DPY19L4: variants seen among roughly 807,000 people sequenced by gnomAD.
DPY19L4 encodes probable C-mannosyltransferase DPY19L4.
In DPY19L4, 97 loss-of-function variants were observed where a neutral mutation model predicts 102.8. The observed-to-expected ratio is 0.94, with a 90% CI of 0.80 to 1.12. The LOEUF (loss-of-function observed/expected upper bound fraction) is 1.12. Among genes scored for constraint, DPY19L4 ranks in the 50% most tolerant of loss-of-function variants. DPY19L4 has a pLI of 0.00. For missense variants in DPY19L4, 815 were observed against 850.4 expected (o/e 0.96, Z 0.52); for synonymous variants, 252 against 283.1 (o/e 0.89, Z 1.10).
At chr8:94,769,306 C>CGGGA (rs1812822441) in intron 12 of DPY19L4, among the ~76,000 whole-genome samples, 2 of 152,036 alleles carry the variant, frequency 1.3e-5, no homozygotes, top group South Asian at 4.1e-4. Flanking sequence ...AGGTGATCCA[C>CGGGA]CCGTCTTGGC....
chr8:94,773,213 C>CAA (rs1319486647), intron 13 of DPY19L4, among the ~76,000 whole-genome samples: 34 of 67,592 alleles, frequency 5.0e-4, no homozygotes, highest in African/African-American at 1.0e-3. Context: ...GACTCCGTAT[C>CAA]AAAAAAAAAA....
chr8:94,745,347 T>C (rs1368466290), intron 6 of DPY19L4, among the ~76,000 whole-genome samples: 1 of 49,316 alleles, frequency 2.0e-5, no homozygotes, highest in Non-Finnish European at 3.6e-5. Flanking sequence ...TTGTTCCCCA[T>C]GATCTTCTCA....
At chr8:94,729,979 A>G (rs903969504) in intron 2 of DPY19L4, among the ~76,000 whole-genome samples, 4 of 151,446 alleles carry the variant, frequency 2.6e-5, no homozygotes, top group Non-Finnish European at 4.4e-5. Flanking sequence ...GAAAGTAGAG[A>G]AAAAAAAACC....
At chr8:94,766,412 T>C (rs1483155288) in intron 10 of DPY19L4, among the ~76,000 whole-genome samples, 200 bp from the exon 11 acceptor site, 1 of 152,316 alleles carries the variant, frequency 6.6e-6, no homozygotes, top group African/African-American at 2.4e-5. Flanking sequence ...TACTACGCCA[T>C]TGTAGTTTAT....
intron 2 of DPY19L4, among the ~76,000 whole-genome samples, chr8:94,733,178 C>T (rs1259086716): frequency 6.1e-5 from 8 of 130,356 alleles, no homozygotes; most frequent in South Asian, 2.4e-4. Flanking sequence ...CAGGCTGGAG[C>T]GCAGTGGCAT....
At chr8:94,777,614 A>G in intron 13 of DPY19L4, 52 bp from the exon 14 acceptor site, 2 of 1,549,838 alleles carry the variant, frequency 1.3e-6, no homozygotes, top group South Asian at 2.4e-5. Context: ...AAAATTAGAT[A>G]ATAATGATGT....
intron 6 of DPY19L4, among the ~76,000 whole-genome samples, chr8:94,746,244 A>G (rs1811669718): frequency 6.6e-6 from 1 of 151,386 alleles, no homozygotes; most frequent in African/African-American, 2.4e-5. Context: ...GTATTTTAGT[A>G]GAGACAGGGT....
In DPY19L4 at chr8:94,789,750, T is replaced by C. The variant is rs1813813583; in HGVS notation, c.2012T>C (p.Val671Ala). The change falls in exon 19 of 19, where the codon GTT (valine) becomes GCT (alanine). Residue 671 changes from valine to alanine, a missense_variant. Coordinates refer to ENST00000414645, the MANE Select transcript of DPY19L4 (RefSeq NM_181787.3). ...DLLDIANGHM[V>A]CEEGDKLTYS... The stretch of plus-strand genomic sequence containing the variant: ...ATGTTTTATATCTTTTAATAGATGG[T>C]TTGTGAAGAAGGTGACAAGCTAACC... The C allele has an allele frequency of 1.3e-6, 2 of 1,593,292 alleles. No individual in the cohort carries two copies. The highest frequency in any genetic ancestry group is 1.8e-5 in the Admixed American group (1 of 55,406).
chr8:94,768,258 G>T, intron 11 of DPY19L4, 137 bp from the exon 12 acceptor site: 2 of 638,592 alleles, frequency 3.1e-6, no homozygotes, highest in East Asian at 3.0e-5. Flanking sequence ...ATTTATAAAG[G>T]ATAGTACCTT....
At chr8:94,779,253 TA>T (rs1813324181) in intron 14 of DPY19L4, among the ~76,000 whole-genome samples, 1 of 149,876 alleles carries the variant, frequency 6.7e-6, no homozygotes, top group Non-Finnish European at 1.5e-5. Flanking sequence ...ATTGTTTAAA[TA>T]ACTTACTTGA....
rs367827075 is a variant in DPY19L4 at position 94,739,794 on chromosome 8, A to C, written c.611+4A>C. On this transcript the variant is annotated splice_donor_region_variant and intron_variant, in intron 6 of 18. Transcript: ENST00000414645. The stretch of plus-strand genomic sequence containing the variant: ...TTGCGTGGTTCGTTATTAACAGGTA[A>C]GAAAGCTGTTTTAATTGATTTTTAA... 8.1e-6 allele frequency: 13 copies of C among 1,610,870 alleles called. No homozygotes were observed. The African/African-American group carries it at 1.2e-4, about 15-fold the overall frequency.
At chr8:94,737,607 C>A (rs908873414) in intron 3 of DPY19L4, among the ~76,000 whole-genome samples, 1 of 149,582 alleles carries the variant, frequency 6.7e-6, no homozygotes, top group East Asian at 2.0e-4. Context: ...CACGGTGAAA[C>A]CCCGTCTCTA....
chr8:94,736,118 T>C (rs904173329), intron 3 of DPY19L4, among the ~76,000 whole-genome samples: 1 of 152,180 alleles, frequency 6.6e-6, no homozygotes, highest in Non-Finnish European at 1.5e-5. Flanking sequence ...AGGGATCATC[T>C]TGCTGCATCC....
At chr8:94,726,220 TA>T in intron 1 of DPY19L4, 110 bp from the exon 2 acceptor site, 2 of 698,458 alleles carry the variant, frequency 2.9e-6, no homozygotes, top group Non-Finnish European at 4.4e-6. Flanking sequence ...TCTTTGATAC[TA>T]ATAGGTCTTA....
At chr8:94,751,734 G>C (rs4734288) in intron 6 of DPY19L4, among the ~76,000 whole-genome samples, 21,142 of 151,006 alleles carry the variant, frequency 0.14, 1,588 homozygotes, top group Non-Finnish European at 0.17. Flanking sequence ...AAACGATTCA[G>C]ACGCCTCAGC....
intron 6 of DPY19L4, among the ~76,000 whole-genome samples, chr8:94,752,956 T>C (rs1210119916): frequency 1.3e-5 from 2 of 151,376 alleles, no homozygotes; most frequent in Non-Finnish European, 2.9e-5. Context: ...TGAGCCACAG[T>C]GCCCGGCTTT....
intron 1 of DPY19L4, 133 bp downstream of exon 1, chr8:94,720,147 G>A (rs1316956847): frequency 7.9e-6 from 11 of 1,384,792 alleles, no homozygotes; most frequent in Non-Finnish European, 9.4e-6. Context: ...AGGGCGGGAA[G>A]GAGCGCGGCG....
intron 14 of DPY19L4, among the ~76,000 whole-genome samples, chr8:94,779,823 G>A (rs147155764): frequency 6.6e-6 from 1 of 152,178 alleles, no homozygotes; most frequent in Admixed American, 6.5e-5. Context: ...ACATGGGACA[G>A]AAGGCAGAGC....
chr8:94,762,747 T>A (rs1398113720), intron 8 of DPY19L4, among the ~76,000 whole-genome samples: 1 of 151,934 alleles, frequency 6.6e-6, no homozygotes, highest in East Asian at 1.9e-4. Flanking sequence ...AAAAAATTTT[T>A]AAAAATTAAC....
Sources: gnomAD v4.1 joint callset for allele counts (sites outside exome capture counted in the v4.1 genomes callset) on GRCh38, gnomAD v4.1.1 for gene constraint, MANE v1.5 for transcripts, NCBI Gene and HGNC (gene_info 2026-07-23, HGNC 2026-07-21) for gene names.